FAAH2: variants seen among roughly 807,000 people sequenced by gnomAD.
The protein encoded by FAAH2 is fatty-acid amide hydrolase 2.
In FAAH2, 60 loss-of-function variants were observed where a neutral mutation model predicts 36.9. The observed-to-expected ratio is 1.63, with a 90% CI of 1.32 to 2.02. The LOEUF (loss-of-function observed/expected upper bound fraction) is 2.02, where lower values mean the gene tolerates loss of function less well. FAAH2 is among the 30% of genes most tolerant of loss of function. The pLI is 0.00. For synonymous variants in FAAH2, 214 were observed against 143.8 expected (o/e 1.49, Z -3.49); for missense variants, 689 against 397.5 (o/e 1.73, Z -6.23).
At chrX:57,486,328 T>A (rs2057473535) in intron 10 of FAAH2, among the ~76,000 whole-genome samples, 1 of 111,487 alleles carries the variant, frequency 9.0e-6, no homozygotes, top group Non-Finnish European at 1.9e-5. Context: ...TTAGTGGGAT[T>A]GTCATACAGT....
rs752471791 is a variant in FAAH2, at chrX:57,292,594, C to A, written c.275+14C>A. On this transcript the variant is annotated intron_variant, in intron 2 of 10. Coordinates refer to ENST00000374900, the MANE Select transcript of FAAH2 (RefSeq NM_174912.4). The stretch of plus-strand genomic sequence containing the variant: ...TGTCAAGTACAGGTGAGCATTTCCA[C>A]TCTCTCAAGGAGTCATTTATGGTGG... 2.5e-6 allele frequency: 3 copies of A among 1,187,260 alleles called. No individual in the cohort carries two copies. Among genetic ancestry groups the A allele is most frequent in the Non-Finnish European group, 3.4e-6 (3 of 876,573 alleles).
intron 4 of FAAH2, among the ~76,000 whole-genome samples, chrX:57,338,306 A>C (rs1415256459): frequency 9.0e-6 from 1 of 111,487 alleles, no homozygotes; most frequent in Non-Finnish European, 1.9e-5. Flanking sequence ...GCCAGGATGA[A>C]CCAGGAAAAG....
chrX:57,270,229 C>G, the FAAH2 span, among the ~76,000 whole-genome samples: 3 of 111,530 alleles, frequency 2.7e-5, no homozygotes, highest in African/African-American at 9.8e-5. Context: ...TAATAAATTT[C>G]CTATCAACCA....
At chrX:57,232,003 T>G in the FAAH2 span, among the ~76,000 whole-genome samples, 4 of 111,591 alleles carry the variant, frequency 3.6e-5, no homozygotes, top group African/African-American at 6.5e-5. Flanking sequence ...ATGCATGATA[T>G]GCTTGGAAGA....
the FAAH2 span, among the ~76,000 whole-genome samples, chrX:57,195,486 T>G: frequency 4.5e-5 from 5 of 111,837 alleles, no homozygotes. Flanking sequence ...TGTTTGAGTT[T>G]CTTGTGGATT....
chrX:57,467,489 A>G (rs781547892), intron 10 of FAAH2, among the ~76,000 whole-genome samples: 1 of 111,805 alleles, frequency 8.9e-6, no homozygotes, highest in Admixed American at 9.5e-5. Context: ...ACACCCATGG[A>G]GCCACACTCA....
At chrX:57,242,165 A>G in the FAAH2 span, among the ~76,000 whole-genome samples, 3 of 112,207 alleles carry the variant, frequency 2.7e-5, no homozygotes, top group African/African-American at 9.7e-5. Context: ...CGACTGGGAG[A>G]CAGCTCCCAG....
the FAAH2 span, among the ~76,000 whole-genome samples, chrX:57,241,206 T>C: frequency 8.9e-6 from 1 of 112,194 alleles, no homozygotes; most frequent in East Asian, 2.8e-4. Context: ...TAAATCAAGA[T>C]GGATTAAAGA....
the FAAH2 span, chrX:57,137,673 T>G: frequency 9.0e-6 from 1 of 111,425 alleles, no homozygotes; most frequent in African/African-American, 3.3e-5. Context: ...AGGTGGCCTT[T>G]TCTCTCTTCC....
At chrX:57,412,475 T>C (rs541315145) in intron 7 of FAAH2, among the ~76,000 whole-genome samples, 4 of 111,886 alleles carry the variant, frequency 3.6e-5, no homozygotes, top group African/African-American at 1.3e-4. Flanking sequence ...ATGCAGTGTT[T>C]GGTTTTCTGT....
chrX:57,399,212 G>T (rs776730934), intron 7 of FAAH2, among the ~76,000 whole-genome samples: 2 of 111,529 alleles, frequency 1.8e-5, no homozygotes, highest in Non-Finnish European at 3.8e-5. Flanking sequence ...CAGGGGATTT[G>T]TATGGCCTGC....
At position 57,410,636 on chromosome X, in the gene FAAH2, G is replaced by A. The variant is rs749587050; in HGVS notation, c.997-21282G>A. ...TAATAACCTCCTTTGTCTCTTGTGG[G>A]CCTTATTTTTTACTTCAACTATATC... On this transcript the variant is annotated intron_variant, in intron 7 of 10. Transcript: ENST00000374900. 9.9e-5 allele frequency among the ~76,000 whole-genome samples: 11 copies of A among 110,846 alleles called. No homozygotes were observed. In the South Asian group the frequency reaches 3.8e-3, roughly 38 times the overall value.
the FAAH2 span, among the ~76,000 whole-genome samples, chrX:57,275,351 T>C: frequency 2.0e-4 from 23 of 112,603 alleles, no homozygotes; most frequent in African/African-American, 7.4e-4. Context: ...TGGAAAGGCC[T>C]GAGCCAAGGC....
chrX:57,177,748 TCTA>T, the FAAH2 span, among the ~76,000 whole-genome samples: 3 of 104,168 alleles, frequency 2.9e-5, no homozygotes, highest in African/African-American at 1.0e-4. Context: ...GGAAAAGAAG[TCTA>T]CTTCTTCAGG....
At chrX:57,392,617 C>G (rs1007856687) in intron 7 of FAAH2, 12 of 778,146 alleles carry the variant, frequency 1.5e-5, no homozygotes, top group Admixed American at 2.3e-5. Context: ...TTCAAAGTAG[C>G]TTCTTGAAGA....
chrX:57,434,192 C>T (rs2056363007), intron 8 of FAAH2, among the ~76,000 whole-genome samples: 1 of 106,692 alleles, frequency 9.4e-6, no homozygotes, highest in Non-Finnish European at 1.9e-5. Flanking sequence ...TTTCCTGCCT[C>T]AGCCTCCTGA....
At position 57,479,198 on chromosome X, in the gene FAAH2, C is replaced by T. The variant is rs1276052813; in HGVS notation, c.1424-9559C>T. On this transcript the variant is annotated intron_variant, in intron 10 of 10. Coordinates refer to ENST00000374900, the MANE Select transcript of FAAH2 (RefSeq NM_174912.4). Reference sequence around the variant, plus strand: ...GTTTGTAGTTCTCCTTGAAGAGGTCCTTCACGTCCCTTGTAAGTTGGATTC... The same window carrying T: ...GTTTGTAGTTCTCCTTGAAGAGGTCTTTCACGTCCCTTGTAAGTTGGATTC... 6.3e-5 allele frequency among the ~76,000 whole-genome samples: 7 copies of T among 111,085 alleles called. 1 individual carries two copies. Among genetic ancestry groups the T allele is most frequent in the Admixed American group, 1.9e-4 (2 of 10,404 alleles).
chrX:57,270,035 G>T, the FAAH2 span, among the ~76,000 whole-genome samples: 1 of 111,248 alleles, frequency 9.0e-6, no homozygotes, highest in Admixed American at 9.6e-5. Flanking sequence ...AACTACAAGG[G>T]GATATTACCA....
chrX:57,339,778 G>T (rs770286005), intron 4 of FAAH2, among the ~76,000 whole-genome samples: 2 of 111,862 alleles, frequency 1.8e-5, no homozygotes. Flanking sequence ...CAGAGAAAAA[G>T]GAATGTTTTA....
Sources: allele counts gnomAD v4.1 joint callset (sites outside exome capture counted in the v4.1 genomes callset), GRCh38; gene constraint gnomAD v4.1.1; transcripts MANE v1.5; gene names NCBI Gene and HGNC (gene_info 2026-07-23, HGNC 2026-07-21).